The following LAMC1 variants were observed in gnomAD, a reference collection of about 807,000 sequenced individuals.
LAMC1 encodes laminin subunit gamma 1.
A neutral mutation model predicts 173.6 loss-of-function variants in LAMC1; 38 were observed. The observed-to-expected ratio is 0.22, with a 90% CI of 0.17 to 0.29. The LOEUF is 0.29. LAMC1 is among the 10% of genes least tolerant of loss of function. The pLI is 1.00. For missense variants in LAMC1, 1,824 were observed against 2,051.8 expected (o/e 0.89, Z 2.14); for synonymous variants, 746 against 749.1 (o/e 1.00, Z 0.07).
Position 183,118,028 on chromosome 1 carries a change from C to T in LAMC1, c.1878-6C>T, listed in dbSNP as rs375709571. ...GAGGTTAATGTGGCCCTTTCTTTCT[C>T]TCCAGGCTCCATGAAGCAACAGATT... On this transcript the variant is annotated splice_polypyrimidine_tract_variant and splice_region_variant and intron_variant, in intron 10 of 27. Coordinates refer to ENST00000258341, the MANE Select transcript of LAMC1 (RefSeq NM_002293.4). 11 of 1,574,894 alleles carry T rather than the reference C, an allele frequency of 7.0e-6. No individual in the cohort carries two copies. In the African/African-American group the frequency reaches 1.4e-4, roughly 19 times the overall value.
chr1:183,034,965 CTGCT>C (rs1481108578), intron 1 of LAMC1, among the ~76,000 whole-genome samples: 1 of 152,138 alleles, frequency 6.6e-6, no homozygotes, highest in Non-Finnish European at 1.5e-5. Flanking sequence ...AAATCCAGAC[CTGCT>C]GTGGTACATA....
intron 1 of LAMC1, among the ~76,000 whole-genome samples, chr1:183,055,279 C>T (rs983597403): frequency 3.9e-5 from 6 of 151,938 alleles, no homozygotes; most frequent in South Asian, 2.1e-4. Flanking sequence ...TATGAGCCAC[C>T]GCGCCCGGAC....
At chr1:183,085,496 C>T (rs534537477) in intron 1 of LAMC1, among the ~76,000 whole-genome samples, 178 of 152,024 alleles carry the variant, frequency 1.2e-3, no homozygotes, top group Non-Finnish European at 2.2e-3. Context: ...CTGAGGAGCT[C>T]GGACCACAGG....
chr1:183,097,976 A>C (rs944341968), intron 1 of LAMC1, among the ~76,000 whole-genome samples: 42 of 151,698 alleles, frequency 2.8e-4, no homozygotes, highest in African/African-American at 1.0e-3. Flanking sequence ...GGAGTGGAAG[A>C]TGTTCTGGTT....
chr1:183,124,472 T>A (rs1216358103), intron 13 of LAMC1, among the ~76,000 whole-genome samples, 159 bp from the exon 14 acceptor site: 1 of 152,246 alleles, frequency 6.6e-6, no homozygotes, highest in Non-Finnish European at 1.5e-5. Context: ...TCTGGTGGTC[T>A]GGCCCCGTGC....
chr1:183,114,150 A>C (rs935378500), intron 4 of LAMC1, among the ~76,000 whole-genome samples: 2 of 152,090 alleles, frequency 1.3e-5, no homozygotes, highest in African/African-American at 4.8e-5. Flanking sequence ...GCTCACTGCA[A>C]CCTCCGCCTC....
intron 1 of LAMC1, among the ~76,000 whole-genome samples, chr1:183,068,318 T>A (rs1285211085): frequency 1.3e-5 from 2 of 152,134 alleles, no homozygotes; most frequent in Non-Finnish European, 2.9e-5. Context: ...AACTAATTAT[T>A]TTCAAGTGCA....
chr1:183,133,800 G>A (rs1042546958), intron 22 of LAMC1, among the ~76,000 whole-genome samples: 6 of 152,180 alleles, frequency 3.9e-5, no homozygotes, highest in Non-Finnish European at 8.8e-5. Flanking sequence ...GGTCAACATA[G>A]TGAGACCCCA....
Position 183,116,920 on chromosome 1 carries a change from C to G in LAMC1, c.1564+17C>G. 6.2e-7 allele frequency: 1 copy of G among 1,606,852 alleles called. No individual in the cohort carries two copies. The highest frequency in any genetic ancestry group is 8.5e-7 in the Non-Finnish European group (1 of 1,174,774). On this transcript the variant is annotated intron_variant, in intron 8 of 27. Coordinates refer to ENST00000258341, the MANE Select transcript of LAMC1 (RefSeq NM_002293.4). Reference sequence around the variant, plus strand: ...TTCAGATTGGTAATTTAGACCTCATCCCCCAACCTGTTAGAACTGTGAGAT... The same window carrying G: ...TTCAGATTGGTAATTTAGACCTCATGCCCCAACCTGTTAGAACTGTGAGAT...
chr1:183,023,876 T>C lies in LAMC1; in HGVS notation c.160T>C (p.Phe54Leu). The C allele has an allele frequency of 1.2e-6, 2 of 1,612,054 alleles. No homozygotes were observed. The highest frequency in any genetic ancestry group is 1.7e-6 in the Non-Finnish European group (2 of 1,179,390). Residue 54 changes from phenylalanine to leucine, a missense_variant, in exon 1 of 28, where the codon TTC (phenylalanine) becomes CTC (leucine). Coordinates refer to ENST00000258341, the MANE Select transcript of LAMC1 (RefSeq NM_002293.4). Reference protein sequence around the residue: ...GGRPQRCMPEFVNAAFNVTVV... With the variant: ...GGRPQRCMPELVNAAFNVTVV... ...GCGGCCGCAGCGCTGCATGCCCGAG[T>C]TCGTCAACGCCGCCTTCAACGTGAC...
At chr1:183,122,449 C>T (rs1323900019) in intron 13 of LAMC1, among the ~76,000 whole-genome samples, 198 bp downstream of exon 13, 1 of 152,176 alleles carries the variant, frequency 6.6e-6, no homozygotes, top group Non-Finnish European at 1.5e-5. Flanking sequence ...CTCCATCTGT[C>T]AACCAAGGGC....
intron 1 of LAMC1, among the ~76,000 whole-genome samples, chr1:183,074,489 G>T (rs921505003): frequency 6.6e-6 from 1 of 152,168 alleles, no homozygotes; most frequent in African/African-American, 2.4e-5. Flanking sequence ...CAGGGTCCTG[G>T]TCTAAAGCTG....
intron 15 of LAMC1, 126 bp from the exon 16 acceptor site, chr1:183,125,994 G>A: frequency 2.2e-6 from 2 of 898,116 alleles, no homozygotes; most frequent in South Asian, 3.5e-5. Context: ...TTCCATCTTA[G>A]TAACCCTTAC....
At chr1:183,133,052 A>G (rs1656842178) in intron 21 of LAMC1, among the ~76,000 whole-genome samples, 1 of 152,168 alleles carries the variant, frequency 6.6e-6, no homozygotes, top group African/African-American at 2.4e-5. Context: ...CTGGGATTAC[A>G]GGTGCCTGCC....
At chr1:183,125,326 T>C in intron 14 of LAMC1, 71 bp from the exon 15 acceptor site, 13 of 1,531,484 alleles carry the variant, frequency 8.5e-6, no homozygotes, top group African/African-American at 1.4e-5. Context: ...AGAATCTCTT[T>C]AGGTTGTTTA....
intron 1 of LAMC1, among the ~76,000 whole-genome samples, chr1:183,027,004 G>T (rs958682682): frequency 6.6e-6 from 1 of 152,054 alleles, no homozygotes; most frequent in Non-Finnish European, 1.5e-5. Context: ...GCATACACAT[G>T]TGTATATAAA....
rs1488161154 is a variant in LAMC1 at position 183,132,516 on chromosome 1, A to C, written c.3683A>C (p.Glu1228Ala). 8 of 1,613,788 alleles carry C rather than the reference A, an allele frequency of 5.0e-6. No individual in the cohort carries two copies. The highest frequency in any genetic ancestry group is 2.7e-5 in the African/African-American group (2 of 74,934). The change falls in exon 21 of 28, where the codon GAG (glutamate) becomes GCG (alanine). Residue 1228 changes from glutamate to alanine, a missense_variant. By Grantham distance (107) the Glu-to-Ala change is moderately radical (BLOSUM62 -1). Coordinates refer to ENST00000258341, the MANE Select transcript of LAMC1 (RefSeq NM_002293.4). ...GCAGGAGAAAATCAAACAGCATTTG[A>C]GATTGAAGAGCTTAATAGGAAGTGA... ...TLAGENQTAF[E>A]IEELNRKYEQ...
chr1:183,122,642 C>T (rs1188147104), intron 13 of LAMC1, among the ~76,000 whole-genome samples: 2 of 152,232 alleles, frequency 1.3e-5, no homozygotes, highest in Non-Finnish European at 2.9e-5. Context: ...TGCCTTTCCA[C>T]ATCCCTGTTC....
intron 5 of LAMC1, 91 bp downstream of exon 5, chr1:183,114,810 T>A: frequency 8.2e-7 from 1 of 1,224,108 alleles, no homozygotes; most frequent in Non-Finnish European, 1.2e-6. Flanking sequence ...TTTGGACAAC[T>A]AAATGTGGAG....
Sources: allele counts gnomAD v4.1 joint callset (sites outside exome capture counted in the v4.1 genomes callset), GRCh38; gene constraint gnomAD v4.1.1; transcripts MANE v1.5; gene names NCBI Gene and HGNC (gene_info 2026-07-23, HGNC 2026-07-21).